Variants in FSTL5 observed in about 807,000 individuals in gnomAD.
FSTL5 encodes follistatin-related protein 5.
Under a neutral mutation model 89.1 loss-of-function variants are expected in FSTL5, and 62 were observed. That is an observed-to-expected ratio of 0.70 (90% CI 0.57 to 0.86). The LOEUF (loss-of-function observed/expected upper bound fraction) is 0.86. Ranked by LOEUF, FSTL5 falls within the 40% of genes least tolerant of loss-of-function variation. The pLI is 0.00. For missense variants in FSTL5, 1,057 were observed against 1,001.6 expected, an observed-to-expected ratio of 1.06 and a Z score of -0.75; for synonymous variants, 383 against 346.2, an observed-to-expected ratio of 1.11 and a Z score of -1.18.
chr4:161,853,322 C>T (rs1370524631), intron 4 of FSTL5, among the ~76,000 whole-genome samples: 1 of 152,038 alleles, frequency 6.6e-6, no homozygotes, highest in Non-Finnish European at 1.5e-5. Flanking sequence ...GGCTGGCGTG[C>T]AGTGGCACGA....
chr4:161,807,790 A>T (rs1010597833), intron 4 of FSTL5, among the ~76,000 whole-genome samples: 1 of 152,204 alleles, frequency 6.6e-6, no homozygotes, highest in Admixed American at 6.5e-5. Context: ...AGATATGAGT[A>T]TTGTCCCTGG....
intron 3 of FSTL5, among the ~76,000 whole-genome samples, chr4:161,978,458 C>T (rs564347632): frequency 1.6e-4 from 24 of 151,972 alleles, no homozygotes; most frequent in African/African-American, 4.6e-4. Context: ...ATGAAAAATA[C>T]GTCACTCATG....
intron 6 of FSTL5, among the ~76,000 whole-genome samples, chr4:161,667,600 A>C (rs1453229840): frequency 6.6e-6 from 1 of 152,116 alleles, no homozygotes; most frequent in East Asian, 1.9e-4. Flanking sequence ...GTAAAAGAAA[A>C]TAATTGTGAG....
At chr4:161,591,843 C>T (rs1466997875) in intron 7 of FSTL5, among the ~76,000 whole-genome samples, 1 of 152,160 alleles carries the variant, frequency 6.6e-6, no homozygotes. Context: ...AATATTCTCT[C>T]ACTTTATAGC....
rs1418274530 is a variant in FSTL5, at chr4:162,152,318, T to A, written c.-17+11297A>T. On this transcript the variant is annotated intron_variant, in intron 1 of 15. Coordinates refer to ENST00000306100, the MANE Select transcript of FSTL5 (RefSeq NM_020116.5). ...CAATTAATTATAGCTTTATGAGAAA[T>A]CTCACCAAGGAAATAATTCAGGAAA... is the stretch of plus-strand genomic sequence containing the variant. Among the ~76,000 whole-genome samples, 3 of 152,298 alleles carry A rather than the reference T, an allele frequency of 2.0e-5. No individual in the cohort carries two copies. In the East Asian group the frequency reaches 5.8e-4, roughly 29 times the overall value.
chr4:161,384,039 T>A lies in FSTL5; in HGVS notation c.*1708A>T, dbSNP rs892246853. 6.6e-6 allele frequency: 1 copy of A among 152,186 alleles called. No individual in the cohort carries two copies. Among genetic ancestry groups the A allele is most frequent in the African/African-American group, 2.4e-5 (1 of 41,456 alleles). The allele number at this position is 152,186 out of a possible 1,614,324, so 9.4% of individuals were successfully genotyped here. ...CACAGACACTTTATATGGTTCATGTTCACAAGGAAGAAAATTGCTAAAAAG... is the reference window on the plus strand; with the variant it reads ...CACAGACACTTTATATGGTTCATGTACACAAGGAAGAAAATTGCTAAAAAG... On this transcript the variant is annotated 3_prime_UTR_variant, in exon 16 of 16. Transcript: ENST00000306100.
intron 7 of FSTL5, among the ~76,000 whole-genome samples, chr4:161,639,847 T>G (rs1033203173): frequency 6.6e-6 from 1 of 152,126 alleles, no homozygotes; most frequent in Non-Finnish European, 1.5e-5. Flanking sequence ...TCCCACAGGT[T>G]TAGATGAAGA....
At chr4:161,546,803 A>C (rs1013725344) in intron 8 of FSTL5, among the ~76,000 whole-genome samples, 4 of 152,110 alleles carry the variant, frequency 2.6e-5, no homozygotes, top group Admixed American at 6.6e-5. Context: ...GCTCTTCTAG[A>C]AAATAAAATG....
At chr4:161,581,717 A>G (rs1252907390) in intron 8 of FSTL5, among the ~76,000 whole-genome samples, 1 of 152,236 alleles carries the variant, frequency 6.6e-6, no homozygotes, top group African/African-American at 2.4e-5. Context: ...GGTAAAACCA[A>G]CAAACAACAA....
At chr4:162,158,494 AT>A (rs1427516549) in intron 1 of FSTL5, among the ~76,000 whole-genome samples, 3 of 152,114 alleles carry the variant, frequency 2.0e-5, no homozygotes, top group Non-Finnish European at 4.4e-5. Context: ...AATAAGAGGC[AT>A]TTACATATAG....
chr4:161,397,644 C>T (rs1404856946), intron 15 of FSTL5, among the ~76,000 whole-genome samples: 1 of 113,810 alleles, frequency 8.8e-6, no homozygotes, highest in African/African-American at 2.9e-5. Flanking sequence ...AAAAAACATA[C>T]ATATTGAAGA....
intron 6 of FSTL5, among the ~76,000 whole-genome samples, chr4:161,728,065 A>T (rs1739479192): frequency 6.6e-6 from 1 of 152,202 alleles, no homozygotes; most frequent in Non-Finnish European, 1.5e-5. Context: ...ATGGGTAAGA[A>T]AGAAAAACAA....
chr4:161,714,144 T>C (rs1455816534), intron 6 of FSTL5, among the ~76,000 whole-genome samples: 1 of 152,186 alleles, frequency 6.6e-6, no homozygotes, highest in African/African-American at 2.4e-5. Context: ...CAAAACACTC[T>C]TTGTGAAGAG....
At chr4:161,640,856 T>C (rs1385528414) in intron 7 of FSTL5, among the ~76,000 whole-genome samples, 1 of 134,162 alleles carries the variant, frequency 7.5e-6, no homozygotes, top group Non-Finnish European at 1.5e-5. Flanking sequence ...ACCTAGACAC[T>C]TTACAATCAA....
intron 7 of FSTL5, among the ~76,000 whole-genome samples, chr4:161,621,175 A>AT (rs1735107303): frequency 6.6e-6 from 1 of 151,842 alleles, no homozygotes; most frequent in African/African-American, 2.4e-5. Flanking sequence ...TGCAAAGGGT[A>AT]TTTTCTGATC....
chr4:161,565,256 T>C (rs1403621925), intron 8 of FSTL5, among the ~76,000 whole-genome samples: 1 of 151,972 alleles, frequency 6.6e-6, no homozygotes, highest in Non-Finnish European at 1.5e-5. Context: ...ATATTTATTA[T>C]AATTAGCCAT....
Position 161,538,207 on chromosome 4 carries a change from T to C in FSTL5, c.1271A>G (p.Asp424Gly), listed in dbSNP as rs766537558. 6.2e-7 allele frequency: 1 copy of C among 1,614,046 alleles called. No homozygotes were observed. The highest frequency in any genetic ancestry group is 8.5e-7 in the Non-Finnish European group (1 of 1,179,950). The change falls in exon 10 of 16, where the codon GAC (aspartate) becomes GGC (glycine). Residue 424 changes from aspartate (D) to glycine (G), a missense_variant. Transcript: ENST00000306100. ...GTCTTCCACAAAAAGAGAAGAGATGTCTTCATCCACTCCTGCTTCATTCTT... is the reference window on the plus strand; with the variant it reads ...GTCTTCCACAAAAAGAGAAGAGATGCCTTCATCCACTCCTGCTTCATTCTT... ...IAKNEAGVDE[D>G]ISSLFVEDSA...
intron 4 of FSTL5, among the ~76,000 whole-genome samples, chr4:161,883,993 G>A (rs892456749): frequency 1.8e-4 from 28 of 152,076 alleles, no homozygotes; most frequent in Non-Finnish European, 2.5e-4. Context: ...TATGCTTAGC[G>A]GTCAGAATTT....
At chr4:161,783,232 T>C (rs944119371) in intron 4 of FSTL5, among the ~76,000 whole-genome samples, 1 of 152,220 alleles carries the variant, frequency 6.6e-6, no homozygotes, top group Non-Finnish European at 1.5e-5. Context: ...GTTTAGTGAA[T>C]TTAATAGTCT....
Sources: gnomAD v4.1 joint callset for allele counts (sites outside exome capture counted in the v4.1 genomes callset) on GRCh38, gnomAD v4.1.1 for gene constraint, MANE v1.5 for transcripts, NCBI Gene and HGNC (gene_info 2026-07-23, HGNC 2026-07-21) for gene names.